The following URB1 variants were observed in gnomAD, a reference collection of about 807,000 sequenced individuals.
URB1 encodes the protein nucleolar pre-ribosomal-associated protein 1.
Under a neutral mutation model 242.3 loss-of-function variants are expected in URB1, and 197 were observed. That is an observed-to-expected ratio of 0.81 (90% CI 0.72 to 0.91). The LOEUF (loss-of-function observed/expected upper bound fraction) is 0.91, where lower values mean the gene tolerates loss of function less well. Among genes scored for constraint, URB1 ranks in the 40% least tolerant of loss-of-function variants. The pLI, the probability that URB1 is intolerant of heterozygous loss-of-function variation, is 0.00. For missense variants in URB1, 2,721 were observed against 2,860.5 expected, an observed-to-expected ratio of 0.95 and a Z score of 1.11; for synonymous variants, 1,153 against 1,201.8, an observed-to-expected ratio of 0.96 and a Z score of 0.84.
Position 32,316,487 on chromosome 21 carries a change from C to A in URB1, c.6613G>T (p.Glu2205Ter). 1 of 1,532,888 alleles carries A rather than the reference C, an allele frequency of 6.5e-7. No individual in the cohort carries two copies. Among genetic ancestry groups the A allele is most frequent in the South Asian group, 1.2e-5 (1 of 80,952 alleles). 95.0% of individuals were successfully genotyped at this position (1,532,888 alleles called of 1,614,324 possible). ...TTACCTTGTGTGGCTTCATCCTTCT[C>A]ACTCAGAGAAGACAGGGAGAGGGCT... ...MEALSLSSLS[E>*]KDEATQASAA... Residue 2205 changes from glutamate to a stop codon, truncating the protein, a stop_gained, in exon 38 of 39, where the codon GAG becomes TAG. Coordinates refer to ENST00000382751, the MANE Select transcript of URB1 (RefSeq NM_014825.3). LOFTEE classifies it low-confidence loss of function (END_TRUNC).
chr21:32,326,325 G>A (rs1601123273), intron 30 of URB1, among the ~76,000 whole-genome samples: 1 of 152,198 alleles, frequency 6.6e-6, no homozygotes, highest in African/African-American at 2.4e-5. Context: ...CAACTGAAAT[G>A]ACTACTCCAA....
intron 5 of URB1, among the ~76,000 whole-genome samples, chr21:32,376,129 T>C (rs1328419041): frequency 6.6e-6 from 1 of 152,238 alleles, no homozygotes; most frequent in African/African-American, 2.4e-5. Flanking sequence ...GAATGTACGG[T>C]ATAACAAACT....
At chr21:32,349,619 T>TGAG in intron 20 of URB1, 136 bp from the exon 21 acceptor site, 3 of 804,960 alleles carry the variant, frequency 3.7e-6, no homozygotes, top group Non-Finnish European at 5.6e-6. Context: ...ACAGAGTGTG[T>TGAG]GAGACACCCA....
chr21:32,369,719 G>A (rs376994774), intron 8 of URB1, among the ~76,000 whole-genome samples: 1 of 152,114 alleles, frequency 6.6e-6, no homozygotes, highest in African/African-American at 2.4e-5. Flanking sequence ...AAGACAGCAC[G>A]AGGTCTTTGC....
At chr21:32,317,419 C>A (rs144551252) in intron 37 of URB1, among the ~76,000 whole-genome samples, 6 of 152,294 alleles carry the variant, frequency 3.9e-5, no homozygotes, top group Non-Finnish European at 7.3e-5. Flanking sequence ...ATAGCTACCC[C>A]CAGCCTCTTT....
intron 34 of URB1, among the ~76,000 whole-genome samples, chr21:32,321,466 C>G (rs1346313331): frequency 6.6e-6 from 1 of 152,142 alleles, no homozygotes; most frequent in East Asian, 1.9e-4. Context: ...CTTGTGACCA[C>G]TCTGAAGGCT....
chr21:32,361,187 G>GAAAC, intron 12 of URB1, 64 bp from the exon 13 acceptor site: 1 of 843,210 alleles, frequency 1.2e-6, no homozygotes. Flanking sequence ...AAGAAAGAAA[G>GAAAC]AAAGAAAGAA....
Position 32,347,533 on chromosome 21 carries a change from T to C in URB1, c.3291A>G (p.Ser1097=). The C allele has an allele frequency of 6.4e-7, 1 of 1,551,252 alleles. No individual in the cohort carries two copies. The change falls in exon 22 of 39, where the codon TCA becomes TCG. Residue 1097 remains serine, a synonymous_variant. Coordinates refer to ENST00000382751, the MANE Select transcript of URB1 (RefSeq NM_014825.3). The stretch of plus-strand genomic sequence containing the variant: ...CCAGCTGCGGCGGGGTCTTTGGTGG[T>C]GATGTGGCCGGGCCCGCCCTCCTGT... ...LQNRRAGPAT[S]PPKTPPQLEA...
intron 12 of URB1, 84 bp from the exon 13 acceptor site, chr21:32,361,207 A>AAAGAAAGAAAC: frequency 7.7e-6 from 2 of 260,478 alleles, no homozygotes; most frequent in Non-Finnish European, 1.2e-5. Context: ...AAGAAAGAAA[A>AAAGAAAGAAAC]TAGCTTGAAT....
rs1568825453 is a variant in URB1, at chr21:32,362,053, G to A, written c.1510-32C>T. On this transcript the variant is annotated intron_variant, in intron 11 of 38. Coordinates refer to ENST00000382751, the MANE Select transcript of URB1 (RefSeq NM_014825.3). Reference sequence around the variant, plus strand: ...GGGAAAAAGAAGCAGAACATTAGTTGTAGTCAACCACAAAGGGAGACAAAT... The same window carrying A: ...GGGAAAAAGAAGCAGAACATTAGTTATAGTCAACCACAAAGGGAGACAAAT... The A allele has an allele frequency of 3.2e-6, 5 of 1,548,716 alleles. No homozygotes were observed. The East Asian group carries it at 9.8e-5, about 30-fold the overall frequency.
intron 20 of URB1, 146 bp downstream of exon 20, chr21:32,350,558 G>A: frequency 1.1e-6 from 1 of 928,984 alleles, no homozygotes. Flanking sequence ...GTTTGCAGCT[G>A]AGGTCTGGAC....
In URB1 at chr21:32,319,314, G is replaced by A; in HGVS notation, c.5695C>T (p.Leu1899Phe). The A allele has an allele frequency of 1.9e-6, 3 of 1,551,344 alleles. No individual in the cohort carries two copies. The highest frequency in any genetic ancestry group is 2.6e-6 in the Non-Finnish European group (3 of 1,146,818). Residue 1899 changes from leucine to phenylalanine, a missense_variant, in exon 36 of 39, where the codon CTT (leucine) becomes TTT (phenylalanine). Coordinates refer to ENST00000382751, the MANE Select transcript of URB1 (RefSeq NM_014825.3). ...DKAVEWESQR[L>F]CQPSSQEPAK... ...GGCTCCTGGGAGCTAGGCTGGCAAA[G>A]GCGCTGGCTCTCCCACTCCACTGCC... is the stretch of plus-strand genomic sequence containing the variant.
intron 21 of URB1, among the ~76,000 whole-genome samples, chr21:32,348,581 G>A (rs952223709): frequency 1.3e-5 from 2 of 152,198 alleles, no homozygotes; most frequent in African/African-American, 4.8e-5. Context: ...CACTCCACCA[G>A]TTCCCAGAGA....
At chr21:32,352,609 G>C in intron 19 of URB1, 101 bp downstream of exon 19, 1 of 1,394,494 alleles carries the variant, frequency 7.2e-7, no homozygotes, top group Non-Finnish European at 9.8e-7. Flanking sequence ...TCACCCTGCA[G>C]GCTGTCTGGC....
At chr21:32,355,041 G>A (rs980320231) in intron 16 of URB1, 44 bp from the exon 17 acceptor site, 1 of 1,513,030 alleles carries the variant, frequency 6.6e-7, no homozygotes, top group African/African-American at 1.4e-5. Flanking sequence ...GATGGTCACA[G>A]GTGAAATGAA....
Position 32,363,456 on chromosome 21 carries a change from T to C in URB1, c.1336-127A>G, listed in dbSNP as rs866978826. 1.3e-5 allele frequency: 16 copies of C among 1,210,956 alleles called. No individual in the cohort carries two copies. In the Middle Eastern group the frequency reaches 2.1e-3, roughly 156 times the overall value. The allele number at this position is 1,210,956 out of a possible 1,614,324, so 75.0% of individuals were successfully genotyped here. A position where few individuals can be genotyped will look rare whatever the true frequency, so the allele number is the denominator to read the frequency against. ...GGAAAGCTGCATGAAACTGCTGGTC[T>C]CTACGCTCTGAGAAGAGGCGACCTG... On this transcript the variant is annotated intron_variant, in intron 10 of 38. Transcript: ENST00000382751.
Position 32,341,366 on chromosome 21 carries a change from C to G in URB1, c.4316+100G>C. 2.0e-5 allele frequency: 24 copies of G among 1,205,104 alleles called. 1 individual carries two copies. The South Asian group carries it at 3.4e-4, about 17-fold the overall frequency. The allele number at this position is 1,205,104 out of a possible 1,614,324, so 74.7% of individuals were successfully genotyped here. ...AAAAACGAGGTGACATCGGCTCCAC[C>G]ACGTGGATTATGCTAATAACAAGCT... On this transcript the variant is annotated intron_variant, in intron 25 of 38. Coordinates refer to ENST00000382751, the MANE Select transcript of URB1 (RefSeq NM_014825.3).
intron 1 of URB1, among the ~76,000 whole-genome samples, chr21:32,389,859 T>A (rs899661709): frequency 6.6e-6 from 1 of 152,182 alleles, no homozygotes; most frequent in Non-Finnish European, 1.5e-5. Flanking sequence ...ACTGATCCAC[T>A]CTGGAATATC....
intron 8 of URB1, among the ~76,000 whole-genome samples, chr21:32,372,166 C>A (rs939434838): frequency 4.6e-5 from 7 of 152,226 alleles, no homozygotes; most frequent in African/African-American, 1.7e-4. Flanking sequence ...GTCAGGACTG[C>A]TGTGAGGCCC....
Sources: allele counts gnomAD v4.1 joint callset (sites outside exome capture counted in the v4.1 genomes callset), GRCh38; gene constraint gnomAD v4.1.1; transcripts MANE v1.5; gene names NCBI Gene and HGNC (gene_info 2026-07-23, HGNC 2026-07-21).